The following SFMBT2 variants were observed in gnomAD, a reference collection of about 807,000 sequenced individuals.
SFMBT2 encodes the protein scm-like with four MBT domains protein 2.
Under a neutral mutation model 110.1 loss-of-function variants are expected in SFMBT2, and 38 were observed. The observed-to-expected ratio is 0.35, with a 90% confidence interval of 0.27 to 0.45. SFMBT2 has a LOEUF of 0.45. Ranked by LOEUF, SFMBT2 falls within the 20% of genes least tolerant of loss-of-function variation. SFMBT2 has a pLI of 1.00. For missense variants in SFMBT2, 1,011 were observed against 1,094.9 expected (o/e 0.92, Z 1.08); for synonymous variants, 425 against 425.4 (o/e 1.00, Z 0.01).
At chr10:7,298,450 C>G (rs1393679874) in intron 4 of SFMBT2, among the ~76,000 whole-genome samples, 1 of 152,198 alleles carries the variant, frequency 6.6e-6, no homozygotes, top group Non-Finnish European at 1.5e-5. Flanking sequence ...TTCCCTAGCT[C>G]CGGACAGGCC....
At chr10:7,358,807 G>C (rs623117) in intron 4 of SFMBT2, among the ~76,000 whole-genome samples, 3 of 150,698 alleles carry the variant, frequency 2.0e-5, no homozygotes, top group African/African-American at 7.3e-5. Flanking sequence ...GGTGGCCCTG[G>C]AATGGAGGCA....
intron 9 of SFMBT2, chr10:7,228,368 T>C: frequency 1.4e-6 from 1 of 720,742 alleles, no homozygotes; most frequent in Non-Finnish European, 1.6e-6. Flanking sequence ...TACTGGGAAA[T>C]AAAAAATTAA....
chr10:7,343,154 T>C (rs1373499447), intron 4 of SFMBT2, among the ~76,000 whole-genome samples: 3 of 152,190 alleles, frequency 2.0e-5, no homozygotes, highest in East Asian at 1.9e-4. Flanking sequence ...TTTCTGTTCC[T>C]GCATTAGTTT....
At chr10:7,410,474 G>A (rs548252958) in intron 1 of SFMBT2, among the ~76,000 whole-genome samples, 1 of 152,334 alleles carries the variant, frequency 6.6e-6, no homozygotes, top group Admixed American at 6.5e-5. Flanking sequence ...GCGGCGGGAG[G>A]GGACAGGCTG....
At position 7,401,344 on chromosome 10, in the gene SFMBT2, C is replaced by G. The variant is rs147410135; in HGVS notation, c.-52+9517G>C. Among the ~76,000 whole-genome samples, 493 of 152,246 alleles carry G rather than the reference C, an allele frequency of 3.2e-3. 3 individuals carry two copies. Among genetic ancestry groups the G allele is most frequent in the African/African-American group, 0.011 (470 of 41,550 alleles). On this transcript the variant is annotated intron_variant, in intron 1 of 20. Coordinates refer to ENST00000397167, the MANE Select transcript of SFMBT2 (RefSeq NM_001387889.1). Reference sequence around the variant, plus strand: ...TCTCAACCATAACATTCGTGTTGACCTTCTCTGAGCAAATACATCCAGGTC... The same window carrying G: ...TCTCAACCATAACATTCGTGTTGACGTTCTCTGAGCAAATACATCCAGGTC...
chr10:7,292,369 A>G (rs776344206), intron 4 of SFMBT2: 5 of 191,422 alleles, frequency 2.6e-5, no homozygotes, highest in African/African-American at 1.2e-4. Flanking sequence ...AGATTTGTAA[A>G]GGAGAACCTA....
chr10:7,376,724 C>T (rs1384730090), intron 2 of SFMBT2, among the ~76,000 whole-genome samples: 1 of 30,786 alleles, frequency 3.2e-5, no homozygotes, highest in South Asian at 1.4e-3. Flanking sequence ...AAAGGCCCTC[C>T]CACAAAAAAA....
chr10:7,213,942 A>G (rs1254104637), intron 11 of SFMBT2, among the ~76,000 whole-genome samples: 1 of 152,200 alleles, frequency 6.6e-6, no homozygotes, highest in Non-Finnish European at 1.5e-5. Context: ...TAACCTCTAC[A>G]TCTGAGAAAA....
intron 7 of SFMBT2, among the ~76,000 whole-genome samples, chr10:7,252,974 T>C (rs1228934940): frequency 6.6e-6 from 1 of 152,206 alleles, no homozygotes; most frequent in Non-Finnish European, 1.5e-5. Flanking sequence ...AAGAGCTGGA[T>C]ATGGAGCTCA....
At chr10:7,388,320 A>AAAG (rs1282356198) in intron 1 of SFMBT2, among the ~76,000 whole-genome samples, 35 of 147,084 alleles carry the variant, frequency 2.4e-4, no homozygotes, top group African/African-American at 8.7e-4. Flanking sequence ...TCAGGCAAAC[A>AAAG]AAGAAGGATG....
At chr10:7,405,885 T>C (rs1309862666) in intron 1 of SFMBT2, among the ~76,000 whole-genome samples, 1 of 135,852 alleles carries the variant, frequency 7.4e-6, no homozygotes, top group African/African-American at 2.7e-5. Flanking sequence ...TAACACATCC[T>C]GGATCACCAA....
chr10:7,328,962 C>T (rs192029248), intron 4 of SFMBT2, among the ~76,000 whole-genome samples: 13 of 152,334 alleles, frequency 8.5e-5, no homozygotes, highest in South Asian at 2.1e-4. Context: ...GCAGCCCATG[C>T]GGCTTGGAAA....
At chr10:7,211,158 G>A (rs143099871) in intron 11 of SFMBT2, among the ~76,000 whole-genome samples, 2,833 of 152,128 alleles carry the variant, frequency 0.019, 33 homozygotes, top group Admixed American at 0.022. Flanking sequence ...TGGGGTGGGC[G>A]GCTATCTTTT....
At chr10:7,240,415 A>G (rs1042242984) in intron 9 of SFMBT2, among the ~76,000 whole-genome samples, 2 of 152,178 alleles carry the variant, frequency 1.3e-5, no homozygotes, top group Non-Finnish European at 2.9e-5. Context: ...CCAATATCCT[A>G]CTGATAAGTA....
intron 7 of SFMBT2, among the ~76,000 whole-genome samples, chr10:7,250,199 C>CAT (rs1840757265): frequency 6.6e-6 from 1 of 152,184 alleles, no homozygotes; most frequent in African/African-American, 2.4e-5. Flanking sequence ...AGGTAGTGAA[C>CAT]ATAGTACCCA....
chr10:7,202,949 T>C, intron 12 of SFMBT2: 1 of 985,432 alleles, frequency 1.0e-6, no homozygotes, highest in Non-Finnish European at 1.2e-6. Flanking sequence ...GAGGCATGCA[T>C]TTCAACTAAA....
Position 7,172,913 on chromosome 10 carries a change from C to T in SFMBT2, c.1985-252G>A, listed in dbSNP as rs1837934671. On this transcript the variant is annotated intron_variant, in intron 17 of 20. Coordinates refer to ENST00000397167, the MANE Select transcript of SFMBT2 (RefSeq NM_001387889.1). This position sits in a 1 kb window ranked among gnomAD's most constrained non-coding sequence, Gnocchi z 4.6. ...CCCCAAAGTGAGTGTATCTGGATGT[C>T]CCGAACCCCCAAAGTGAGTGTACAA... is the stretch of plus-strand genomic sequence containing the variant. Among the ~76,000 whole-genome samples the T allele has an allele frequency of 6.6e-6, 1 of 152,084 alleles. No homozygotes were observed. Among genetic ancestry groups the T allele is most frequent in the African/African-American group, 2.4e-5 (1 of 41,394 alleles).
intron 20 of SFMBT2, among the ~76,000 whole-genome samples, chr10:7,165,352 G>A (rs1443287448): frequency 1.3e-5 from 2 of 152,114 alleles, no homozygotes; most frequent in African/African-American, 4.8e-5. Flanking sequence ...TTAAACTAAC[G>A]GTTTATTTAG....
chr10:7,339,376 G>C (rs1322211482), intron 4 of SFMBT2, among the ~76,000 whole-genome samples: 1 of 152,204 alleles, frequency 6.6e-6, no homozygotes, highest in Non-Finnish European at 1.5e-5. Context: ...TGGATGCTTT[G>C]TAACTTCTCT....
Sources: allele counts gnomAD v4.1 joint callset (sites outside exome capture counted in the v4.1 genomes callset), GRCh38; gene constraint gnomAD v4.1.1; non-coding constraint Gnocchi (gnomAD v3.1); transcripts MANE v1.5; gene names NCBI Gene and HGNC (gene_info 2026-07-23, HGNC 2026-07-21).